The following UBE2O variants were observed in gnomAD, a reference collection of about 807,000 sequenced individuals.
UBE2O encodes the protein (E3-independent) E2 ubiquitin-conjugating enzyme.
A neutral mutation model predicts 125.8 loss-of-function variants in UBE2O; 15 were observed. The ratio of observed to expected loss-of-function variants is 0.12; its 90% CI spans 0.08 to 0.18. The LOEUF (loss-of-function observed/expected upper bound fraction) is 0.18, where lower values mean the gene tolerates loss of function less well. Ranked by LOEUF, UBE2O falls within the 10% of genes least tolerant of loss-of-function variation. The pLI is 1.00. For missense variants in UBE2O, 1,280 were observed against 1,723.6 expected (o/e 0.74, Z 4.56); for synonymous variants, 708 against 703.2 (o/e 1.01, Z -0.11).
rs547316922 is a variant in UBE2O, at chr17:76,425,703, G to A, written c.418-20131C>T. 9.8e-5 allele frequency among the ~76,000 whole-genome samples: 15 copies of A among 152,290 alleles called. No individual in the cohort carries two copies. In the South Asian group the frequency reaches 1.0e-3, roughly 11 times the overall value. ...TCACAGCTGAACCAAGTGGTGTTCCGTGTCCTCACACAACTATGTACATAT... is the reference window on the plus strand; with the variant it reads ...TCACAGCTGAACCAAGTGGTGTTCCATGTCCTCACACAACTATGTACATAT... On this transcript the variant is annotated intron_variant, in intron 1 of 17. Transcript: ENST00000319380.
In UBE2O at chr17:76,402,819, G is replaced by A; in HGVS notation, c.589-120C>T. ...GGAGGATCTAGACAGCTCACTGACT[G>A]GACCGGTTGGCTACTAGCCCTAAAC... On this transcript the variant is annotated intron_variant, in intron 3 of 17. Coordinates refer to ENST00000319380, the MANE Select transcript of UBE2O (RefSeq NM_022066.4). The surrounding 1 kb of genome is among the most constrained non-coding windows in gnomAD (Gnocchi z 5.4). 2.4e-6 allele frequency: 2 copies of A among 832,056 alleles called. 1 individual carries two copies. Among genetic ancestry groups the A allele is most frequent in the South Asian group, 2.9e-5 (2 of 67,870 alleles). 51.5% of individuals were successfully genotyped at this position (832,056 alleles called of 1,614,324 possible).
chr17:76,438,118 T>C (rs2073027115), intron 1 of UBE2O, among the ~76,000 whole-genome samples: 1 of 152,214 alleles, frequency 6.6e-6, no homozygotes, highest in Non-Finnish European at 1.5e-5. Flanking sequence ...TACTGCCTTT[T>C]GGTAGGTGAC....
chr17:76,406,840 C>G lies in UBE2O; in HGVS notation c.418-1268G>C, dbSNP rs369705758. On this transcript the variant is annotated intron_variant, in intron 1 of 17. Coordinates refer to ENST00000319380, the MANE Select transcript of UBE2O (RefSeq NM_022066.4). The stretch of plus-strand genomic sequence containing the variant: ...TCAGCCTCCCGAGTAGGTGGGACTG[C>G]AGGCACGTGCCACCACGCCCGGCTA... Among the ~76,000 whole-genome samples, 11 of 151,902 alleles carry G rather than the reference C, an allele frequency of 7.2e-5. No individual in the cohort carries two copies. The East Asian group carries it at 2.1e-3, about 29-fold the overall frequency.
rs1411709654 is a variant in UBE2O, at chr17:76,399,853, C to A, written c.1224G>T (p.Arg408=). The A allele has an allele frequency of 3.1e-6, 5 of 1,613,964 alleles. No individual in the cohort carries two copies. Among genetic ancestry groups the A allele is most frequent in the Non-Finnish European group, 4.2e-6 (5 of 1,179,934 alleles). Reference sequence around the variant, plus strand: ...TGTCTGGGTCTTCCATGGAATGGTCCCGGGAACACTGGGTGTCTGGGGAGC... The same window carrying A: ...TGTCTGGGTCTTCCATGGAATGGTCACGGGAACACTGGGTGTCTGGGGAGC... ...MSCSPDTQCS[R]DHSMEDPDKK... The change falls in exon 9 of 18, where the codon CGG becomes CGT. Residue 408 remains arginine (R), a synonymous_variant. Transcript: ENST00000319380. This position sits in a 1 kb window ranked among gnomAD's most constrained non-coding sequence, Gnocchi z 6.9.
chr17:76,394,132 T>A (rs2072163396), intron 15 of UBE2O, among the ~76,000 whole-genome samples: 1 of 152,218 alleles, frequency 6.6e-6, no homozygotes, highest in South Asian at 2.1e-4. Context: ...GTTCCAGGGT[T>A]GTGGCTACTC....
chr17:76,391,652 G>A lies in UBE2O; in HGVS notation c.3209-39C>T. On this transcript the variant is annotated intron_variant, in intron 17 of 17. Transcript: ENST00000319380. This position sits in a 1 kb window ranked among gnomAD's most constrained non-coding sequence, Gnocchi z 8.4. Reference sequence around the variant, plus strand: ...ACACCTTCCCTCAGTGGGTGAGAGAGGCCCACAATGCAGGCCTACCCTCCA... The same window carrying A: ...ACACCTTCCCTCAGTGGGTGAGAGAAGCCCACAATGCAGGCCTACCCTCCA... 6.2e-7 allele frequency: 1 copy of A among 1,601,134 alleles called. No homozygotes were observed. The highest frequency in any genetic ancestry group is 8.5e-7 in the Non-Finnish European group (1 of 1,171,674).
intron 1 of UBE2O, among the ~76,000 whole-genome samples, chr17:76,413,438 C>T (rs2072549519): frequency 6.6e-6 from 1 of 151,538 alleles, no homozygotes; most frequent in African/African-American, 2.4e-5. Context: ...GGGTCATGGT[C>T]AACACTGGAC....
At chr17:76,415,501 C>T (rs563965005) in intron 1 of UBE2O, among the ~76,000 whole-genome samples, 38 of 152,288 alleles carry the variant, frequency 2.5e-4, no homozygotes, top group African/African-American at 7.7e-4. Flanking sequence ...TGGAACCATG[C>T]TGCCATTCAA....
chr17:76,433,582 T>C (rs917650377), intron 1 of UBE2O, among the ~76,000 whole-genome samples: 2 of 140,190 alleles, frequency 1.4e-5, no homozygotes, highest in East Asian at 4.2e-4. Context: ...GTGAATTTTA[T>C]GGTATGTGAA....
At chr17:76,422,347 C>T (rs561853895) in intron 1 of UBE2O, among the ~76,000 whole-genome samples, 1 of 152,334 alleles carries the variant, frequency 6.6e-6, no homozygotes, top group African/African-American at 2.4e-5. Flanking sequence ...CAAGTCCCAT[C>T]TCTCCTCCAG....
chr17:76,452,095 TC>T lies in UBE2O; in HGVS notation c.417+629del, dbSNP rs542215423. ...ATCCCGGTCGCAGCTGTCAGAATCC[TC>T]CCCCCCAAGTACTATTCATACCGGG... On this transcript the variant is annotated intron_variant, in intron 1 of 17. Coordinates refer to ENST00000319380, the MANE Select transcript of UBE2O (RefSeq NM_022066.4). The surrounding 1 kb of genome is among the most constrained non-coding windows in gnomAD (Gnocchi z 4.4). Among the ~76,000 whole-genome samples, 5 of 151,716 alleles carry T rather than the reference TC, an allele frequency of 3.3e-5. No homozygotes were observed. The highest frequency in any genetic ancestry group is 1.2e-4 in the African/African-American group (5 of 41,262).
intron 1 of UBE2O, among the ~76,000 whole-genome samples, chr17:76,419,283 C>CAAAA (rs35062714): frequency 4.7e-5 from 3 of 63,282 alleles, no homozygotes; most frequent in Non-Finnish European, 5.8e-5. Context: ...GACCCTATCT[C>CAAAA]AAAAAAAAAA....
rs2072221390 is a variant in UBE2O, at chr17:76,396,948, T to G, written c.2116-127A>C. On this transcript the variant is annotated intron_variant, in intron 13 of 17. Coordinates refer to ENST00000319380, the MANE Select transcript of UBE2O (RefSeq NM_022066.4). The surrounding 1 kb of genome is among the most constrained non-coding windows in gnomAD (Gnocchi z 6.7). ...CTGGGCTCATGAGGCCTTGGCAACC[T>G]CATTCCACCCTTTCCCTGACCTCTG... is the stretch of plus-strand genomic sequence containing the variant. 7 of 765,276 alleles carry G rather than the reference T, an allele frequency of 9.1e-6. No homozygotes were observed. The highest frequency in any genetic ancestry group is 1.4e-5 in the Non-Finnish European group (7 of 486,440). 47.4% of individuals were successfully genotyped at this position (765,276 alleles called of 1,614,324 possible).
In UBE2O at chr17:76,398,697, G is replaced by A. The variant is rs967656384; in HGVS notation, c.1784-113C>T. 6.9e-7 allele frequency: 1 copy of A among 1,443,556 alleles called. No individual in the cohort carries two copies. The highest frequency in any genetic ancestry group is 9.6e-7 in the Non-Finnish European group (1 of 1,044,676). 89.4% of individuals were successfully genotyped at this position (1,443,556 alleles called of 1,614,324 possible). A position where few individuals can be genotyped will look rare whatever the true frequency, so the allele number is the denominator to read the frequency against. On this transcript the variant is annotated intron_variant, in intron 10 of 17. Transcript: ENST00000319380. This position sits in a 1 kb window ranked among gnomAD's most constrained non-coding sequence, Gnocchi z 5.4. ...GACCTTCCCCCGTCTTGGAAGTGGT[G>A]AGACCCCTTCATGAGGGCAGTCCCC... is the stretch of plus-strand genomic sequence containing the variant.
Position 76,404,815 on chromosome 17 carries a change from G to A in UBE2O, c.588+391C>T, listed in dbSNP as rs1429240912. ...AGGGAGGGAAGGTGATGGAGCAAAC[G>A]AAGTGAAATCTTAACAGCTGAGGAA... On this transcript the variant is annotated intron_variant, in intron 3 of 17. Coordinates refer to ENST00000319380, the MANE Select transcript of UBE2O (RefSeq NM_022066.4). This position sits in a 1 kb window ranked among gnomAD's most constrained non-coding sequence, Gnocchi z 4.3. 3.9e-5 allele frequency among the ~76,000 whole-genome samples: 6 copies of A among 152,238 alleles called. No individual in the cohort carries two copies. The highest frequency in any genetic ancestry group is 1.9e-4 in the East Asian group (1 of 5,186).
rs2072121981 is a variant in UBE2O at position 76,392,006 on chromosome 17, G to C, written c.3054C>G (p.His1018Gln). The change falls in exon 16 of 18, where the codon CAC becomes CAG. Residue 1018 changes from histidine (H) to glutamine (Q), a missense_variant. Physicochemically the swap from His to Gln is conservative, Grantham distance 24. Coordinates refer to ENST00000319380, the MANE Select transcript of UBE2O (RefSeq NM_022066.4). ...LPNIYPAVPP[H>Q]FCYLSQCSGR... Reference sequence around the variant, plus strand: ...CACTGCATTGGGAGAGGTAGCAGAAGTGGGGGGGCACGGCTGGGTAGATGT... The same window carrying C: ...CACTGCATTGGGAGAGGTAGCAGAACTGGGGGGGCACGGCTGGGTAGATGT... 6.3e-7 allele frequency: 1 copy of C among 1,598,612 alleles called. No individual in the cohort carries two copies.
chr17:76,410,636 G>A lies in UBE2O; in HGVS notation c.418-5064C>T, dbSNP rs1481289465. ...GTCAGGGACAATGCCAGGGCAGAGG[G>A]CAACGTGGCAGGAGGCTGGGCACTT... On this transcript the variant is annotated intron_variant, in intron 1 of 17. Coordinates refer to ENST00000319380, the MANE Select transcript of UBE2O (RefSeq NM_022066.4). This position sits in a 1 kb window ranked among gnomAD's most constrained non-coding sequence, Gnocchi z 4.0. 1.3e-5 allele frequency among the ~76,000 whole-genome samples: 2 copies of A among 152,182 alleles called. No individual in the cohort carries two copies. Among genetic ancestry groups the A allele is most frequent in the Admixed American group, 1.3e-4 (2 of 15,280 alleles).
At position 76,398,462 on chromosome 17, in the gene UBE2O, C is replaced by T. The variant is rs748529528; in HGVS notation, c.1896+10G>A. 29 of 1,613,980 alleles carry T rather than the reference C, an allele frequency of 1.8e-5. No individual in the cohort carries two copies. The South Asian group carries it at 3.0e-4, about 16-fold the overall frequency. ...GCCCACCTGAAGCAAGCAGTAGGGG[C>T]TGCACACACCTCCACGTCGTCCCCA... On this transcript the variant is annotated intron_variant, in intron 11 of 17. Coordinates refer to ENST00000319380, the MANE Select transcript of UBE2O (RefSeq NM_022066.4). The surrounding 1 kb of genome is among the most constrained non-coding windows in gnomAD (Gnocchi z 5.4).
At chr17:76,441,075 T>C (rs971647466) in intron 1 of UBE2O, among the ~76,000 whole-genome samples, 5 of 152,330 alleles carry the variant, frequency 3.3e-5, no homozygotes, top group East Asian at 3.9e-4. Context: ...TGGTGAGTTA[T>C]AAGCTTTCTC....
Sources: gnomAD v4.1 joint callset for allele counts (sites outside exome capture counted in the v4.1 genomes callset) on GRCh38, gnomAD v4.1.1 for gene constraint, Gnocchi (gnomAD v3.1) non-coding constraint, MANE v1.5 for transcripts, NCBI Gene and HGNC (gene_info 2026-07-23, HGNC 2026-07-21) for gene names.